REDIC1: variants seen among roughly 807,000 people sequenced by gnomAD.
REDIC1 encodes the protein HEI10 Interacting Protein 1.
the REDIC1 span, among the ~76,000 whole-genome samples, chr12:39,631,214 A>G: frequency 6.6e-6 from 1 of 152,106 alleles, no homozygotes; most frequent in African/African-American, 2.4e-5. Context: ...ATAAGCAGGT[A>G]CTCTACATTT....
the REDIC1 span, among the ~76,000 whole-genome samples, chr12:39,764,120 A>G: frequency 6.6e-6 from 1 of 151,044 alleles, no homozygotes; most frequent in African/African-American, 2.4e-5. Context: ...TCTTTTTACC[A>G]TTTTCTGTTT....
chr12:39,854,249 T>A, the REDIC1 span, among the ~76,000 whole-genome samples: 1 of 152,152 alleles, frequency 6.6e-6, no homozygotes, highest in Non-Finnish European at 1.5e-5. Flanking sequence ...TGGATAATAA[T>A]AATAATAATA....
At chr12:39,654,363 G>A in the REDIC1 span, among the ~76,000 whole-genome samples, 5 of 151,932 alleles carry the variant, frequency 3.3e-5, no homozygotes, top group East Asian at 1.9e-4. Context: ...CAAGGTGGGC[G>A]GATCACGAGG....
At chr12:39,770,575 G>A in the REDIC1 span, among the ~76,000 whole-genome samples, 3 of 152,094 alleles carry the variant, frequency 2.0e-5, no homozygotes, top group South Asian at 2.1e-4. Context: ...CTGTGAGATC[G>A]GGGAAAGAAC....
chr12:39,805,234 C>T, the REDIC1 span, among the ~76,000 whole-genome samples: 3 of 152,138 alleles, frequency 2.0e-5, no homozygotes, highest in Non-Finnish European at 4.4e-5. Flanking sequence ...TGAGAAGCCA[C>T]GGCAGAGTGT....
the REDIC1 span, among the ~76,000 whole-genome samples, chr12:39,668,306 G>T: frequency 8.5e-5 from 13 of 152,078 alleles, no homozygotes; most frequent in Middle Eastern, 3.4e-3. Flanking sequence ...TAAAGGATTT[G>T]ATTTCTCCTT....
chr12:39,724,363 G>A, the REDIC1 span, among the ~76,000 whole-genome samples: 1 of 152,124 alleles, frequency 6.6e-6, no homozygotes, highest in East Asian at 1.9e-4. Flanking sequence ...CTGGGAATCT[G>A]TAGAGTGATG....
At chr12:39,786,984 T>A in the REDIC1 span, among the ~76,000 whole-genome samples, 1 of 58,454 alleles carries the variant, frequency 1.7e-5, no homozygotes, top group Non-Finnish European at 4.0e-5. Flanking sequence ...TTCTGTGTTT[T>A]TTCTTTTTTT....
the REDIC1 span, among the ~76,000 whole-genome samples, chr12:39,899,227 G>A: frequency 6.6e-6 from 1 of 152,146 alleles, no homozygotes; most frequent in African/African-American, 2.4e-5. Context: ...TATGTGTCGA[G>A]GAATTTATCC....
the REDIC1 span, among the ~76,000 whole-genome samples, chr12:39,789,824 C>T: frequency 6.6e-6 from 1 of 152,064 alleles, no homozygotes; most frequent in East Asian, 1.9e-4. Context: ...TATTTATTGG[C>T]CATTTGGGTA....
chr12:39,749,523 C>T, the REDIC1 span, among the ~76,000 whole-genome samples: 1 of 152,186 alleles, frequency 6.6e-6, no homozygotes, highest in Non-Finnish European at 1.5e-5. Flanking sequence ...CCTTCTGAAA[C>T]TATTCCAATC....
the REDIC1 span, among the ~76,000 whole-genome samples, chr12:39,642,033 T>C: frequency 2.7e-4 from 41 of 151,826 alleles, no homozygotes; most frequent in Non-Finnish European, 4.7e-4. Flanking sequence ...ATTTTATTTC[T>C]ATCTCTCTGG....
At chr12:39,669,865 A>T in the REDIC1 span, among the ~76,000 whole-genome samples, 1 of 152,130 alleles carries the variant, frequency 6.6e-6, no homozygotes, top group South Asian at 2.1e-4. Flanking sequence ...GTGGGGTATA[A>T]TTTCCTGTTG....
the REDIC1 span, among the ~76,000 whole-genome samples, chr12:39,728,071 T>C: frequency 6.6e-6 from 1 of 152,200 alleles, no homozygotes; most frequent in Non-Finnish European, 1.5e-5. Flanking sequence ...AATGGGGTTT[T>C]CTAAATATAC....
the REDIC1 span, among the ~76,000 whole-genome samples, chr12:39,743,001 C>T: frequency 6.6e-6 from 1 of 152,140 alleles, no homozygotes; most frequent in African/African-American, 2.4e-5. Context: ...TCCATGGACC[C>T]CCCACCTTCA....
the REDIC1 span, among the ~76,000 whole-genome samples, chr12:39,731,834 T>TC: frequency 5.9e-5 from 9 of 151,376 alleles, no homozygotes; most frequent in African/African-American, 1.5e-4. Context: ...TGCCTTTCTT[T>TC]TTTTTTTTTT....
At chr12:39,669,313 G>A in the REDIC1 span, among the ~76,000 whole-genome samples, 210 of 152,278 alleles carry the variant, frequency 1.4e-3, 3 homozygotes, top group African/African-American at 4.8e-3. Context: ...TATGCTGGAG[G>A]TCCACTCCAG....
the REDIC1 span, among the ~76,000 whole-genome samples, chr12:39,700,342 G>A: frequency 4.6e-5 from 7 of 152,170 alleles, no homozygotes; most frequent in Admixed American, 2.0e-4. Flanking sequence ...GGGTATCAGC[G>A]ATGGAAGATG....
the REDIC1 span, among the ~76,000 whole-genome samples, chr12:39,729,762 T>A: frequency 6.6e-6 from 1 of 152,190 alleles, no homozygotes; most frequent in Non-Finnish European, 1.5e-5. Context: ...AGTGGGGTGC[T>A]AAAGTCTCCC....
Sources: gnomAD v4.1 joint callset for allele counts (sites outside exome capture counted in the v4.1 genomes callset) on GRCh38, gnomAD v4.1.1 for gene constraint, MANE v1.5 for transcripts, NCBI Gene and HGNC (gene_info 2026-07-23, HGNC 2026-07-21) for gene names.